The following POU6F2 variants were observed in gnomAD, a reference collection of about 807,000 sequenced individuals.
POU6F2 encodes POU class 6 homeobox 2, also known as POU domain, class 6, transcription factor 2.
Under a neutral mutation model 71.3 loss-of-function variants are expected in POU6F2, and 31 were observed. That is an observed-to-expected ratio of 0.43 (90% CI 0.33 to 0.59). The LOEUF (loss-of-function observed/expected upper bound fraction) is 0.59. Among genes scored for constraint, POU6F2 ranks in the 20% least tolerant of loss-of-function variants. The pLI is 0.04. For synonymous variants in POU6F2, 347 were observed against 355.7 expected, an observed-to-expected ratio of 0.98 and a Z score of 0.27; for missense variants, 783 against 856.8, an observed-to-expected ratio of 0.91 and a Z score of 1.07.
At chr7:39,322,338 T>TGACTTTTACATCCTGCCAGCCC (rs1785415251) in intron 4 of POU6F2, among the ~76,000 whole-genome samples, 1 of 152,220 alleles carries the variant, frequency 6.6e-6, no homozygotes, top group South Asian at 2.1e-4. Flanking sequence ...TATGCCTGGC[T>TGACTTTTACATCCTGCCAGCCC]GACTTTTACA....
At chr7:38,978,391 G>A (rs1584476771) in intron 1 of POU6F2, among the ~76,000 whole-genome samples, 1 of 152,188 alleles carries the variant, frequency 6.6e-6, no homozygotes, top group African/African-American at 2.4e-5. Flanking sequence ...AAGAAAGTGC[G>A]AGAAGAGAAT....
chr7:39,104,056 A>T (rs1246157374), intron 2 of POU6F2, among the ~76,000 whole-genome samples: 4 of 152,202 alleles, frequency 2.6e-5, no homozygotes, highest in African/African-American at 9.6e-5. Flanking sequence ...CTAGAGCAAA[A>T]CTAGATAGGC....
At chr7:39,344,033 A>G (rs1785978335) in intron 5 of POU6F2, among the ~76,000 whole-genome samples, 1 of 152,190 alleles carries the variant, frequency 6.6e-6, no homozygotes, top group Non-Finnish European at 1.5e-5. Context: ...TTATCCTCAG[A>G]GAGTCACTGC....
chr7:39,454,549 T>C lies in POU6F2; in HGVS notation c.1489+2848T>C, dbSNP rs1359863375. On this transcript the variant is annotated intron_variant, in intron 8 of 9. Transcript: ENST00000518318. ...AGGAACTCTGTGTCAAGAAGTGGGG[T>C]CAAAGACTAAATATTAGAACAGAAG... is the stretch of plus-strand genomic sequence containing the variant. 2.7e-5 allele frequency among the ~76,000 whole-genome samples: 4 copies of C among 148,998 alleles called. No individual in the cohort carries two copies. In the Admixed American group the frequency reaches 2.7e-4, roughly 10 times the overall value.
At chr7:39,278,430 G>T (rs1468580429) in intron 4 of POU6F2, among the ~76,000 whole-genome samples, 3 of 152,054 alleles carry the variant, frequency 2.0e-5, no homozygotes, top group Non-Finnish European at 4.4e-5. Context: ...GAGTCCAAGT[G>T]GCCAATATTC....
At chr7:39,221,229 G>T (rs1057143406) in intron 4 of POU6F2, among the ~76,000 whole-genome samples, 1 of 151,974 alleles carries the variant, frequency 6.6e-6, no homozygotes, top group Non-Finnish European at 1.5e-5. Flanking sequence ...CATGTAAATT[G>T]TGGACCTTCA....
chr7:39,286,591 A>G (rs1013342260), intron 4 of POU6F2, among the ~76,000 whole-genome samples: 3 of 152,130 alleles, frequency 2.0e-5, no homozygotes, highest in Non-Finnish European at 4.4e-5. Context: ...TTTATGTTGG[A>G]CAGGTCAGAT....
At chr7:39,052,421 G>T (rs866920472) in intron 1 of POU6F2, among the ~76,000 whole-genome samples, 2 of 152,118 alleles carry the variant, frequency 1.3e-5, no homozygotes, top group South Asian at 2.1e-4. Flanking sequence ...GGAAGCTTAT[G>T]ATCATGGCAG....
At chr7:39,113,964 TA>T (rs1018216494) in intron 2 of POU6F2, among the ~76,000 whole-genome samples, 1 of 152,144 alleles carries the variant, frequency 6.6e-6, no homozygotes, top group African/African-American at 2.4e-5. Flanking sequence ...CATACTTTTT[TA>T]ATATTTAGAA....
chr7:39,390,319 G>C (rs913357666), intron 5 of POU6F2, among the ~76,000 whole-genome samples: 1 of 152,174 alleles, frequency 6.6e-6, no homozygotes, highest in East Asian at 1.9e-4. Context: ...TCGCTTGAAA[G>C]GGGGAGGTGG....
chr7:39,030,020 A>G (rs776454847), intron 1 of POU6F2, among the ~76,000 whole-genome samples: 2 of 152,032 alleles, frequency 1.3e-5, no homozygotes, highest in Non-Finnish European at 2.9e-5. Flanking sequence ...GTCTGGTTTG[A>G]TATGAAGGTT....
intron 2 of POU6F2, among the ~76,000 whole-genome samples, chr7:39,175,580 G>A (rs1156864815): frequency 6.6e-6 from 1 of 152,024 alleles, no homozygotes; most frequent in African/African-American, 2.4e-5. Context: ...AAAATCAGAA[G>A]AAAAATTAAT....
chr7:39,220,006 G>T (rs1794317238), intron 4 of POU6F2, among the ~76,000 whole-genome samples: 1 of 152,188 alleles, frequency 6.6e-6, no homozygotes, highest in South Asian at 2.1e-4. Context: ...ACTTGCAATA[G>T]AATGGTAACA....
In POU6F2 at chr7:39,466,588, C is replaced by T. The variant is rs1413049539; in HGVS notation, c.*1902C>T. 3 of 152,240 alleles carry T rather than the reference C, an allele frequency of 2.0e-5. No homozygotes were observed. The highest frequency in any genetic ancestry group is 6.5e-5 in the Admixed American group (1 of 15,288). 9.4% of individuals were successfully genotyped at this position (152,240 alleles called of 1,614,324 possible). A position where few individuals can be genotyped will look rare whatever the true frequency, so the allele number is the denominator to read the frequency against. ...GCCCAACTGATTAGAAATGCCATCT[C>T]CTTCCCCTAATACACTCCCTCTCCC... On this transcript the variant is annotated 3_prime_UTR_variant, in exon 10 of 10. Transcript: ENST00000518318.
At chr7:39,058,762 G>A (rs1034617717) in intron 1 of POU6F2, among the ~76,000 whole-genome samples, 2 of 152,184 alleles carry the variant, frequency 1.3e-5, no homozygotes, top group South Asian at 2.1e-4. Context: ...TTTTGTATTG[G>A]AAATGTTCAT....
At chr7:38,995,382 G>C (rs1413076711) in intron 1 of POU6F2, among the ~76,000 whole-genome samples, 1 of 152,124 alleles carries the variant, frequency 6.6e-6, no homozygotes, top group East Asian at 1.9e-4. Context: ...ATATTGCTAA[G>C]TGGTTAAGAG....
At chr7:39,205,580 T>A (rs887648914) in intron 3 of POU6F2, among the ~76,000 whole-genome samples, 2 of 152,192 alleles carry the variant, frequency 1.3e-5, no homozygotes, top group African/African-American at 4.8e-5. Flanking sequence ...AATATCACTA[T>A]TGGCAGTGAT....
intron 2 of POU6F2, among the ~76,000 whole-genome samples, chr7:39,162,447 T>C (rs887615591): frequency 1.3e-5 from 2 of 152,188 alleles, no homozygotes; most frequent in African/African-American, 4.8e-5. Flanking sequence ...TCCAAAACGG[T>C]CTATAGTTTC....
chr7:39,351,345 G>A (rs1786136164), intron 5 of POU6F2, among the ~76,000 whole-genome samples: 1 of 152,136 alleles, frequency 6.6e-6, no homozygotes, highest in South Asian at 2.1e-4. Context: ...CATCAGGAAA[G>A]GAAAACAACC....
Sources: allele counts gnomAD v4.1 joint callset (sites outside exome capture counted in the v4.1 genomes callset), GRCh38; gene constraint gnomAD v4.1.1; transcripts MANE v1.5; gene names NCBI Gene and HGNC (gene_info 2026-07-23, HGNC 2026-07-21).